CCDC191: variants seen among roughly 807,000 people sequenced by gnomAD.
CCDC191 encodes the protein coiled-coil domain containing 191, also known as coiled-coil domain-containing protein 191.
In CCDC191, 99 loss-of-function variants were observed where a neutral mutation model predicts 114.0. The observed-to-expected ratio is 0.87, with a 90% CI of 0.74 to 1.03. The LOEUF is 1.03. Ranked by LOEUF, CCDC191 falls within the 50% of genes least tolerant of loss-of-function variation. The pLI is 0.00. For synonymous variants in CCDC191, 351 were observed against 376.0 expected, an observed-to-expected ratio of 0.93 and a Z score of 0.77; for missense variants, 973 against 1,087.0, an observed-to-expected ratio of 0.90 and a Z score of 1.47.
At chr3:113,993,901 GA>G (rs1290723338) in intron 13 of CCDC191, among the ~76,000 whole-genome samples, 2 of 150,600 alleles carry the variant, frequency 1.3e-5, no homozygotes, top group East Asian at 2.0e-4. Flanking sequence ...AAAAAGAAAA[GA>G]AAAAAAAATT....
intron 5 of CCDC191, among the ~76,000 whole-genome samples, chr3:114,036,051 T>C (rs2076478526): frequency 6.6e-6 from 1 of 152,220 alleles, no homozygotes; most frequent in South Asian, 2.1e-4. Context: ...TCTCTGGCAC[T>C]CCTTTACAAA....
chr3:114,009,893 T>C (rs1001819034), intron 9 of CCDC191, among the ~76,000 whole-genome samples: 7 of 151,954 alleles, frequency 4.6e-5, no homozygotes, highest in African/African-American at 1.2e-4. Flanking sequence ...CATTACAGAG[T>C]ATCATGTAGC....
chr3:114,054,354 CGGGAGCAGTGGCTCAT>C (rs2076737133), intron 1 of CCDC191: 2 of 152,124 alleles, frequency 1.3e-5, no homozygotes, highest in African/African-American at 4.8e-5. Context: ...GTGTTTTGGC[CGGGAGCAGTGGCTCAT>C]GCCTGTAATC....
At chr3:113,999,042 AC>A (rs1309740128) in intron 13 of CCDC191, among the ~76,000 whole-genome samples, 2 of 152,146 alleles carry the variant, frequency 1.3e-5, no homozygotes, top group Admixed American at 1.3e-4. Flanking sequence ...AGGTGGCAAT[AC>A]CTTGCAGGGC....
intron 1 of CCDC191, chr3:114,054,278 G>A (rs2076736023): frequency 6.6e-6 from 1 of 152,120 alleles, no homozygotes; most frequent in Non-Finnish European, 1.5e-5. Context: ...ACTCCTAGAA[G>A]CTTGGAGAAT....
At chr3:114,004,343 T>C (rs2075907484) in intron 11 of CCDC191, 2 of 1,013,282 alleles carry the variant, frequency 2.0e-6, no homozygotes, top group Non-Finnish European at 2.4e-6. Context: ...ATTATTCCTT[T>C]TTTTTTCACA....
At chr3:114,016,068 C>T (rs989277119) in intron 8 of CCDC191, among the ~76,000 whole-genome samples, 1 of 152,234 alleles carries the variant, frequency 6.6e-6, no homozygotes, top group Middle Eastern at 3.4e-3. Flanking sequence ...GGCCAGTGAG[C>T]GGAAATCGAG....
intron 16 of CCDC191, among the ~76,000 whole-genome samples, chr3:113,968,459 CCCT>C (rs1240069584): frequency 4.6e-5 from 7 of 151,872 alleles, no homozygotes; most frequent in Non-Finnish European, 7.4e-5. Flanking sequence ...ATCTTCCCCC[CCCT>C]TTTTTTTTTA....
rs562421066 is a variant in CCDC191 at position 113,970,488 on chromosome 3, A to G, written c.2607-5129T>C. Among the ~76,000 whole-genome samples the G allele has an allele frequency of 2.6e-5, 4 of 152,056 alleles. No homozygotes were observed. The South Asian group carries it at 6.2e-4, about 24-fold the overall frequency. ...ATGCCCTTATTTTTTTCTCTTGTCT[A>G]ACTGCTCTGGCAAGGACTTGCAGTA... On this transcript the variant is annotated intron_variant, in intron 16 of 16. Transcript: ENST00000295878.
Position 114,022,923 on chromosome 3 carries a change from C to T in CCDC191, c.973-4055G>A, listed in dbSNP as rs906729692. ...AGGAAAAGAGGAAGTCAAATTGTCC[C>T]TGTTTGCAGACAACATGATTGTATA... On this transcript the variant is annotated intron_variant, in intron 7 of 16. Coordinates refer to ENST00000295878, the MANE Select transcript of CCDC191 (RefSeq NM_020817.2). 2.0e-5 allele frequency among the ~76,000 whole-genome samples: 3 copies of T among 152,284 alleles called. No individual in the cohort carries two copies. The South Asian group carries it at 6.2e-4, about 32-fold the overall frequency.
chr3:114,011,416 A>G (rs980411479), intron 8 of CCDC191, among the ~76,000 whole-genome samples: 24 of 152,226 alleles, frequency 1.6e-4, no homozygotes, highest in African/African-American at 5.5e-4. Context: ...AAAATTTTAA[A>G]AAGACAGGTT....
At chr3:113,972,421 AT>A (rs1940914477) in intron 16 of CCDC191, among the ~76,000 whole-genome samples, 1 of 151,896 alleles carries the variant, frequency 6.6e-6, no homozygotes, top group Non-Finnish European at 1.5e-5. Flanking sequence ...ATTTTATTCT[AT>A]TGTGGTCAGA....
chr3:114,046,483 G>T, intron 3 of CCDC191, 108 bp downstream of exon 3: 2 of 749,314 alleles, frequency 2.7e-6, no homozygotes. Context: ...TAGAAAGAAA[G>T]GGAAATTAAG....
At chr3:113,970,461 G>A (rs1373629006) in intron 16 of CCDC191, among the ~76,000 whole-genome samples, 2 of 151,988 alleles carry the variant, frequency 1.3e-5, no homozygotes, top group African/African-American at 4.8e-5. Flanking sequence ...CATCTGGCCT[G>A]GATGCCCTTA....
Position 113,964,479 on chromosome 3 carries a change from G to C in CCDC191, c.*676C>G, listed in dbSNP as rs1359176890. ...GTGTATTATTCAGCAGTTGCAGGTG[G>C]GAGCATGAACAGATAATTTAATGAA... On this transcript the variant is annotated 3_prime_UTR_variant, in exon 17 of 17. Coordinates refer to ENST00000295878, the MANE Select transcript of CCDC191 (RefSeq NM_020817.2). The C allele has an allele frequency of 6.6e-6, 1 of 152,148 alleles. No individual in the cohort carries two copies. Among genetic ancestry groups the C allele is most frequent in the African/African-American group, 2.4e-5 (1 of 41,422 alleles). 9.4% of individuals were successfully genotyped at this position (152,148 alleles called of 1,614,324 possible). A position where few individuals can be genotyped will look rare whatever the true frequency, so the allele number is the denominator to read the frequency against.
intron 4 of CCDC191, among the ~76,000 whole-genome samples, chr3:114,037,542 T>C (rs2076502961): frequency 6.6e-6 from 1 of 152,212 alleles, no homozygotes; most frequent in African/African-American, 2.4e-5. Flanking sequence ...AAATTGTTTA[T>C]TCATTCATTT....
intron 6 of CCDC191, 114 bp downstream of exon 6, chr3:114,034,811 G>T: frequency 3.6e-6 from 3 of 843,602 alleles, no homozygotes; most frequent in South Asian, 1.7e-5. Flanking sequence ...AATAGTGAGT[G>T]ATTTCTCTTC....
chr3:114,005,917 T>C lies in CCDC191; in HGVS notation c.1459A>G (p.Ser487Gly), dbSNP rs1019212246. 8 of 1,613,968 alleles carry C rather than the reference T, an allele frequency of 5.0e-6. No homozygotes were observed. The highest frequency in any genetic ancestry group is 5.9e-6 in the Non-Finnish European group (7 of 1,179,964). ...AGGGGAGGACTGAGCATACAACCAC[T>C]GCTTCCCAAGGGAGGCTTTTCCCAC... ...PLWEKPPLGS[S>G]GCMLSPPLGR... The change falls in exon 10 of 17, where the codon AGT (serine) becomes GGT (glycine). Residue 487 changes from serine to glycine, a missense_variant. By Grantham distance (56) the Ser-to-Gly change is moderately conservative. Coordinates refer to ENST00000295878, the MANE Select transcript of CCDC191 (RefSeq NM_020817.2).
At chr3:114,026,114 CA>C (rs899741991) in intron 7 of CCDC191, among the ~76,000 whole-genome samples, 5 of 150,910 alleles carry the variant, frequency 3.3e-5, no homozygotes, top group East Asian at 1.9e-4. Context: ...TTTTGAAAGA[CA>C]AAAAAAATAC....
Sources: gnomAD v4.1 joint callset for allele counts (sites outside exome capture counted in the v4.1 genomes callset) on GRCh38, gnomAD v4.1.1 for gene constraint, MANE v1.5 for transcripts, NCBI Gene and HGNC (gene_info 2026-07-23, HGNC 2026-07-21) for gene names.